KAT6A: variants seen among roughly 807,000 people sequenced by gnomAD.
KAT6A encodes lysine acetyltransferase 6A, also known as histone acetyltransferase KAT6A.
Under a neutral mutation model 198.4 loss-of-function variants are expected in KAT6A, and 9 were observed. The observed-to-expected ratio is 0.05, with a 90% CI of 0.03 to 0.08. The LOEUF is 0.08. Ranked by LOEUF, KAT6A falls within the 10% of genes least tolerant of loss-of-function variation. The probability of loss-of-function intolerance (pLI) is 1.00; values close to 1 mark genes in which losing one functional copy is unlikely to be tolerated. For missense variants in KAT6A, 2,077 were observed against 2,509.9 expected (o/e 0.83, Z 3.69); for synonymous variants, 890 against 883.0 (o/e 1.01, Z -0.14).
In KAT6A at chr8:42,032,259, T is replaced by G. The variant is rs78232106; in HGVS notation, c.600+16119A>C. On this transcript the variant is annotated intron_variant, in intron 2 of 16. Coordinates refer to ENST00000265713, the MANE Select transcript of KAT6A (RefSeq NM_006766.5). ...AGACCTAGGCTCTAGTTCCATTTAT[T>G]ACCTTAACTATATAATTCTGACTAA... is the stretch of plus-strand genomic sequence containing the variant. Among the ~76,000 whole-genome samples the G allele has an allele frequency of 5.0e-3, 758 of 152,276 alleles. 10 individuals carry two copies. The highest frequency in any genetic ancestry group is 0.016 in the African/African-American group (682 of 41,514).
At chr8:41,983,724 T>A (rs1824470814) in intron 3 of KAT6A, among the ~76,000 whole-genome samples, 1 of 152,222 alleles carries the variant, frequency 6.6e-6, no homozygotes, top group South Asian at 2.1e-4. Flanking sequence ...TTCCAAAAAC[T>A]ATGATATAAT....
At chr8:41,982,252 G>A (rs915292958) in intron 3 of KAT6A, among the ~76,000 whole-genome samples, 4 of 151,390 alleles carry the variant, frequency 2.6e-5, no homozygotes, top group Admixed American at 6.6e-5. Context: ...GTACATATCC[G>A]GTATATATGT....
At chr8:42,014,027 A>G (rs1248547569) in intron 2 of KAT6A, among the ~76,000 whole-genome samples, 1 of 152,226 alleles carries the variant, frequency 6.6e-6, no homozygotes, top group East Asian at 1.9e-4. Flanking sequence ...GTGCTCCAAT[A>G]CAACTTTACT....
intron 9 of KAT6A, among the ~76,000 whole-genome samples, chr8:41,951,973 G>C (rs1688364531): frequency 6.6e-6 from 1 of 152,166 alleles, no homozygotes. Flanking sequence ...TTCAAGTTCT[G>C]CCACTTATAC....
Position 41,932,600 on chromosome 8 carries a change from G to A in KAT6A, c.5620C>T (p.Leu1874=). ...ACTGCCGATGGGCTACGGCCATACA[G>A]CTGCTGCTGGTGAGCAGCCGCAGAG... ...LPSAAAHQQQ[L]YGRSPSAVAM... The change falls in exon 17 of 17, where the codon CTG becomes TTG. Residue 1874 remains leucine, a synonymous_variant. Coordinates refer to ENST00000265713, the MANE Select transcript of KAT6A (RefSeq NM_006766.5). The A allele has an allele frequency of 6.2e-7, 1 of 1,614,104 alleles. No homozygotes were observed. Among genetic ancestry groups the A allele is most frequent in the Non-Finnish European group, 8.5e-7 (1 of 1,179,918 alleles).
intron 2 of KAT6A, among the ~76,000 whole-genome samples, chr8:42,023,479 T>G (rs1187943020): frequency 2.2e-5 from 3 of 137,414 alleles, no homozygotes; most frequent in Non-Finnish European, 3.1e-5. Context: ...ACAGTACAGC[T>G]GTACAAATAT....
chr8:42,011,103 G>A (rs562444813), intron 2 of KAT6A, among the ~76,000 whole-genome samples: 5 of 152,106 alleles, frequency 3.3e-5, no homozygotes, highest in Admixed American at 1.3e-4. Flanking sequence ...CTAACAAATC[G>A]CCCTTTTTAC....
In KAT6A at chr8:41,970,131, T is replaced by C. The variant is rs1823713211; in HGVS notation, c.1482+4573A>G. The stretch of plus-strand genomic sequence containing the variant: ...TCTGTTTGTGAAACTAAAAGCTTCA[T>C]GAAGGCAGAGTCTGTGTCTTTTTGT... On this transcript the variant is annotated intron_variant, in intron 8 of 16. Coordinates refer to ENST00000265713, the MANE Select transcript of KAT6A (RefSeq NM_006766.5). Among the ~76,000 whole-genome samples, 3 of 152,196 alleles carry C rather than the reference T, an allele frequency of 2.0e-5. No individual in the cohort carries two copies. The South Asian group carries it at 6.2e-4, about 32-fold the overall frequency.
chr8:42,026,936 C>T (rs942585688), intron 2 of KAT6A, among the ~76,000 whole-genome samples: 2 of 152,098 alleles, frequency 1.3e-5, no homozygotes, highest in East Asian at 1.9e-4. Context: ...TTGAAGTATG[C>T]TCCTTTTATG....
intron 2 of KAT6A, among the ~76,000 whole-genome samples, chr8:42,023,457 AAC>A (rs540956624): frequency 2.7e-4 from 41 of 152,110 alleles, no homozygotes; most frequent in African/African-American, 8.0e-4. Context: ...CTTCACTCAA[AAC>A]ACACATTGTA....
In KAT6A at chr8:42,024,401, G is replaced by A. The variant is rs1826692861; in HGVS notation, c.600+23977C>T. On this transcript the variant is annotated intron_variant, in intron 2 of 16. Transcript: ENST00000265713. Reference sequence around the variant, plus strand: ...CATACAATGCGTAATGATCAAATCAGGGTATTTAGGATATCCATCACCTCA... The same window carrying A: ...CATACAATGCGTAATGATCAAATCAAGGTATTTAGGATATCCATCACCTCA... 2.6e-5 allele frequency among the ~76,000 whole-genome samples: 4 copies of A among 152,280 alleles called. No individual in the cohort carries two copies. In the South Asian group the frequency reaches 8.3e-4, roughly 32 times the overall value.
rs1443798653 is a variant in KAT6A at position 42,040,119 on chromosome 8, T to C, written c.600+8259A>G. Among the ~76,000 whole-genome samples, 3 of 151,960 alleles carry C rather than the reference T, an allele frequency of 2.0e-5. No individual in the cohort carries two copies. The East Asian group carries it at 5.8e-4, about 29-fold the overall frequency. On this transcript the variant is annotated intron_variant, in intron 2 of 16. Coordinates refer to ENST00000265713, the MANE Select transcript of KAT6A (RefSeq NM_006766.5). ...ATTATGCCTATAAAATTTAATCATA[T>C]AGAATTCTTTTGAGACTTCAATAAG... is the stretch of plus-strand genomic sequence containing the variant.
At chr8:41,982,292 T>C (rs887360539) in intron 3 of KAT6A, among the ~76,000 whole-genome samples, 2 of 152,164 alleles carry the variant, frequency 1.3e-5, no homozygotes, top group Non-Finnish European at 2.9e-5. Flanking sequence ...TGTTCATATA[T>C]GAGAAATGCT....
chr8:42,008,287 A>G (rs1179713087), intron 2 of KAT6A, among the ~76,000 whole-genome samples: 1 of 152,060 alleles, frequency 6.6e-6, no homozygotes, highest in Non-Finnish European at 1.5e-5. Flanking sequence ...CAAAGCTAAC[A>G]TTTTCAACTC....
At chr8:41,999,145 A>C (rs1825365732) in intron 2 of KAT6A, among the ~76,000 whole-genome samples, 1 of 152,194 alleles carries the variant, frequency 6.6e-6, no homozygotes, top group Non-Finnish European at 1.5e-5. Flanking sequence ...GAAATCAATC[A>C]TCTATTAAGA....
intron 2 of KAT6A, among the ~76,000 whole-genome samples, chr8:42,042,249 G>C (rs976409817): frequency 6.6e-6 from 1 of 151,940 alleles, no homozygotes; most frequent in Non-Finnish European, 1.5e-5. Flanking sequence ...ATGAGGTCAG[G>C]AGTTCGAGAC....
intron 10 of KAT6A, among the ~76,000 whole-genome samples, chr8:41,948,473 G>C (rs1408529817): frequency 6.6e-6 from 1 of 152,138 alleles, no homozygotes; most frequent in Non-Finnish European, 1.5e-5. Flanking sequence ...TGAGGCTCCA[G>C]GTTGGCCAGG....
intron 3 of KAT6A, among the ~76,000 whole-genome samples, chr8:41,983,353 T>C (rs536006072): frequency 1.5e-4 from 23 of 152,348 alleles, no homozygotes; most frequent in Admixed American, 1.0e-3. Flanking sequence ...GTGTGAAAAT[T>C]TCACCCACAA....
chr8:41,935,659 A>G (rs1821812390), intron 16 of KAT6A, among the ~76,000 whole-genome samples: 1 of 152,182 alleles, frequency 6.6e-6, no homozygotes, highest in Non-Finnish European at 1.5e-5. Flanking sequence ...ATTGCCTATT[A>G]ATTTTTAAAG....
Sources: allele counts gnomAD v4.1 joint callset (sites outside exome capture counted in the v4.1 genomes callset), GRCh38; gene constraint gnomAD v4.1.1; transcripts MANE v1.5; gene names NCBI Gene and HGNC (gene_info 2026-07-23, HGNC 2026-07-21).